The following PCDHGB4 variants were observed in gnomAD, a reference collection of about 807,000 sequenced individuals.
PCDHGB4 encodes protocadherin gamma subfamily B, 4, also known as protocadherin gamma-B4.
A neutral mutation model predicts 60.5 loss-of-function variants in PCDHGB4; 38 were observed. The observed-to-expected ratio is 0.63, with a 90% CI of 0.48 to 0.82. The LOEUF (loss-of-function observed/expected upper bound fraction) is 0.82, where lower values mean the gene tolerates loss of function less well. Ranked by LOEUF, PCDHGB4 falls within the 40% of genes least tolerant of loss-of-function variation. PCDHGB4 has a pLI of 0.00. For synonymous variants in PCDHGB4, 456 were observed against 509.7 expected, an observed-to-expected ratio of 0.89 and a Z score of 1.42; for missense variants, 1,109 against 1,209.6, an observed-to-expected ratio of 0.92 and a Z score of 1.23.
chr5:141,467,233 A>G (rs1009794220), intron 1 of PCDHGB4, among the ~76,000 whole-genome samples: 1 of 151,564 alleles, frequency 6.6e-6, no homozygotes, highest in South Asian at 2.1e-4. Flanking sequence ...TTGTATTTTT[A>G]GTAGAGATGG....
At chr5:141,479,930 T>C (rs1355410974) in intron 1 of PCDHGB4, among the ~76,000 whole-genome samples, 15 of 152,218 alleles carry the variant, frequency 9.9e-5, no homozygotes, top group Non-Finnish European at 1.9e-4. Context: ...CAGTGCATCA[T>C]TGCTATCAAC....
At chr5:141,505,536 C>T (rs749205049) in intron 3 of PCDHGB4, 55 bp downstream of exon 3, 9 of 1,610,164 alleles carry the variant, frequency 5.6e-6, no homozygotes, top group Non-Finnish European at 7.6e-6. Context: ...TTCTGGGGTG[C>T]ATCTCACAGC....
At chr5:141,419,548 G>C in intron 1 of PCDHGB4, 1 of 1,611,976 alleles carries the variant, frequency 6.2e-7, no homozygotes, top group Non-Finnish European at 8.5e-7. Context: ...CGCGGGTGCT[G>C]TACCCTGCGC....
At chr5:141,440,165 A>G (rs935524872) in intron 1 of PCDHGB4, 2 of 152,300 alleles carry the variant, frequency 1.3e-5, no homozygotes, top group African/African-American at 4.8e-5. Flanking sequence ...AGCTTGGGCC[A>G]TAACGCTTTG....
At chr5:141,416,846 A>G (rs1412860680) in intron 1 of PCDHGB4, 2 of 152,120 alleles carry the variant, frequency 1.3e-5, no homozygotes, top group Non-Finnish European at 2.9e-5. Flanking sequence ...TTATAATTCC[A>G]TGATTTTTTT....
At chr5:141,419,174 A>G (rs1283454889) in intron 1 of PCDHGB4, 1 of 1,613,840 alleles carries the variant, frequency 6.2e-7, no homozygotes, top group East Asian at 2.2e-5. Flanking sequence ...CAAAACCATA[A>G]CCCTGCACAT....
chr5:141,429,450 A>G (rs1326036711), intron 1 of PCDHGB4, among the ~76,000 whole-genome samples: 1 of 152,114 alleles, frequency 6.6e-6, no homozygotes, highest in East Asian at 1.9e-4. Context: ...CTTGGGCTAC[A>G]GTAATCCTCC....
In PCDHGB4 at chr5:141,492,378, C is replaced by T. The variant is rs144479033; in HGVS notation, c.2398-2429C>T. Among the ~76,000 whole-genome samples the T allele has an allele frequency of 1.7e-3, 262 of 152,360 alleles. 2 individuals are homozygous for T. The highest frequency in any genetic ancestry group is 3.0e-3 in the Non-Finnish European group (207 of 68,026). On this transcript the variant is annotated intron_variant, in intron 1 of 3. Coordinates refer to ENST00000519479, the MANE Select transcript of PCDHGB4 (RefSeq NM_003736.4). ...CTCGCTCGCGGCCAGATTCACAGGCCTGTTCCGGTCCACTCGCAGCTCCCC... is the reference window on the plus strand; with the variant it reads ...CTCGCTCGCGGCCAGATTCACAGGCTTGTTCCGGTCCACTCGCAGCTCCCC...
Position 141,431,581 on chromosome 5 carries a change from T to A in PCDHGB4, c.2397+41300T>A, listed in dbSNP as rs749863807. Reference sequence around the variant, plus strand: ...CTACCGACCCTGACGAAGGAGTCAATGCGGAAGTGAGGTATTCCTTCCGGT... The same window carrying A: ...CTACCGACCCTGACGAAGGAGTCAAAGCGGAAGTGAGGTATTCCTTCCGGT... On this transcript the variant is annotated intron_variant, in intron 1 of 3. Coordinates refer to ENST00000519479, the MANE Select transcript of PCDHGB4 (RefSeq NM_003736.4). This position sits in a 1 kb window ranked among gnomAD's most constrained non-coding sequence, Gnocchi z 4.8. 3.1e-6 allele frequency: 5 copies of A among 1,614,160 alleles called. No individual in the cohort carries two copies. In the South Asian group the frequency reaches 5.5e-5, roughly 18 times the overall value.
intron 1 of PCDHGB4, chr5:141,409,895 C>T (rs928044268): frequency 2.5e-6 from 4 of 1,613,098 alleles, no homozygotes; most frequent in Non-Finnish European, 3.4e-6. Flanking sequence ...GGTGCTGTAC[C>T]CAGCTCTGGG....
intron 1 of PCDHGB4, chr5:141,398,592 A>G: frequency 6.2e-7 from 1 of 1,614,068 alleles, no homozygotes; most frequent in South Asian, 1.1e-5. Flanking sequence ...TTATACTAGA[A>G]GTAGCAGAAG....
chr5:141,415,961 C>T, intron 1 of PCDHGB4: 1 of 438,836 alleles, frequency 2.3e-6, no homozygotes, highest in Non-Finnish European at 3.6e-6. Context: ...TATTGAAACT[C>T]CAGCCCCTTA....
In PCDHGB4 at chr5:141,486,587, G is replaced by A. The variant is rs2099631441; in HGVS notation, c.2398-8220G>A. 6.2e-7 allele frequency: 1 copy of A among 1,613,478 alleles called. No homozygotes were observed. The highest frequency in any genetic ancestry group is 1.7e-5 in the Admixed American group (1 of 60,014). On this transcript the variant is annotated intron_variant, in intron 1 of 3. Coordinates refer to ENST00000519479, the MANE Select transcript of PCDHGB4 (RefSeq NM_003736.4). The surrounding 1 kb of genome is among the most constrained non-coding windows in gnomAD (Gnocchi z 5.0). ...TGTTCCTGAGAACAATCGCCCAGGGGACCTGCTTTGCTCCCTTGCAGCCTC... is the reference window on the plus strand; with the variant it reads ...TGTTCCTGAGAACAATCGCCCAGGGAACCTGCTTTGCTCCCTTGCAGCCTC...
rs199877605 is a variant in PCDHGB4 at position 141,421,311 on chromosome 5, G to A, written c.2397+31030G>A. The A allele has an allele frequency of 9.5e-5, 154 of 1,613,788 alleles. No individual in the cohort carries two copies. The African/African-American group carries it at 1.9e-3, about 20-fold the overall frequency. On this transcript the variant is annotated intron_variant, in intron 1 of 3. Coordinates refer to ENST00000519479, the MANE Select transcript of PCDHGB4 (RefSeq NM_003736.4). ...TCCTGGGGACGCTGCGGGGGTTCCG[G>A]GCCAGGCAGATCCGATATTCGGTGC... is the stretch of plus-strand genomic sequence containing the variant.
rs776854254 is a variant in PCDHGB4 at position 141,487,285 on chromosome 5, C to T, written c.2398-7522C>T. On this transcript the variant is annotated intron_variant, in intron 1 of 3. Coordinates refer to ENST00000519479, the MANE Select transcript of PCDHGB4 (RefSeq NM_003736.4). This position sits in a 1 kb window ranked among gnomAD's most constrained non-coding sequence, Gnocchi z 5.0. The stretch of plus-strand genomic sequence containing the variant: ...CCCTAGTGGCAATTTGCTTTGTCTC[C>T]TTTGGCTCATTCGTGGCACTACTCT... 8 of 1,614,148 alleles carry T rather than the reference C, an allele frequency of 5.0e-6. No homozygotes were observed. The highest frequency in any genetic ancestry group is 6.8e-6 in the Non-Finnish European group (8 of 1,180,036).
intron 1 of PCDHGB4, among the ~76,000 whole-genome samples, chr5:141,459,561 C>T (rs912894386): frequency 2.6e-5 from 4 of 151,954 alleles, no homozygotes; most frequent in African/African-American, 7.3e-5. Context: ...GGATAAATAC[C>T]CCAAAACAGA....
chr5:141,409,914 G>T lies in PCDHGB4; in HGVS notation c.2397+19633G>T, dbSNP rs772848211. 58 of 1,613,230 alleles carry T rather than the reference G, an allele frequency of 3.6e-5. No homozygotes were observed. In the East Asian group the frequency reaches 1.2e-3, roughly 35 times the overall value. On this transcript the variant is annotated intron_variant, in intron 1 of 3. Transcript: ENST00000519479. ...CTGTACCCAGCTCTGGGTCCTGACGGCTCCGCGTTCTTCGATATGGTACCT... is the reference window on the plus strand; with the variant it reads ...CTGTACCCAGCTCTGGGTCCTGACGTCTCCGCGTTCTTCGATATGGTACCT...
intron 1 of PCDHGB4, chr5:141,419,649 A>C: frequency 6.2e-7 from 1 of 1,612,422 alleles, no homozygotes; most frequent in Non-Finnish European, 8.5e-7. Context: ...GTGGACGCGG[A>C]CTCGGGGCAC....
In PCDHGB4 at chr5:141,511,098, T is replaced by G; in HGVS notation, c.2697T>G (p.Ala899=). 6.2e-7 allele frequency: 1 copy of G among 1,614,132 alleles called. No individual in the cohort carries two copies. The highest frequency in any genetic ancestry group is 8.5e-7 in the Non-Finnish European group (1 of 1,179,996). ...PGSNATLTNA[A]GKRDGKAPAG... is the part of the protein sequence containing the mutation. The stretch of plus-strand genomic sequence containing the variant: ...GCAATGCCACACTGACCAACGCAGC[T>G]GGCAAGCGGGATGGCAAGGCCCCAG... Residue 899 remains alanine, a synonymous_variant, in exon 4 of 4, where the codon GCT becomes GCG. Transcript: ENST00000519479.
Sources: gnomAD v4.1 joint callset for allele counts (sites outside exome capture counted in the v4.1 genomes callset) on GRCh38, gnomAD v4.1.1 for gene constraint, Gnocchi (gnomAD v3.1) non-coding constraint, MANE v1.5 for transcripts, NCBI Gene and HGNC (gene_info 2026-07-23, HGNC 2026-07-21) for gene names.